NRIP3: variants seen among roughly 807,000 people sequenced by gnomAD.
NRIP3 encodes nuclear receptor-interacting protein 3.
A neutral mutation model predicts 29.0 loss-of-function variants in NRIP3; 31 were observed. The ratio of observed to expected loss-of-function variants is 1.07; its 90% CI spans 0.80 to 1.44. The LOEUF is 1.44. NRIP3 is among the 40% of genes most tolerant of loss of function. The pLI, the probability that NRIP3 is intolerant of heterozygous loss-of-function variation, is 0.00. For missense variants in NRIP3, 314 were observed against 297.9 expected (o/e 1.05, Z -0.40); for synonymous variants, 131 against 118.3 (o/e 1.11, Z -0.70).
Position 8,983,315 on chromosome 11 carries a change from T to TA in NRIP3, c.*229dup. On this transcript the variant is annotated 3_prime_UTR_variant, in exon 7 of 7. Transcript: ENST00000309166. ...GACTGGCAGTGTCAAAAAAGGTCTA[T>TA]AAGTTAAGTGATCAAAGTAGTAAAA... is the stretch of plus-strand genomic sequence containing the variant. 1 of 582,124 alleles carries TA rather than the reference T, an allele frequency of 1.7e-6. No individual in the cohort carries two copies. Among genetic ancestry groups the TA allele is most frequent in the East Asian group, 2.9e-5 (1 of 34,122 alleles). The allele number at this position is 582,124 out of a possible 1,614,324, so 36.1% of individuals were successfully genotyped here.
In NRIP3 at chr11:8,994,794, T is replaced by C. The variant is rs1279650151; in HGVS notation, c.175-6512A>G. 3.9e-5 allele frequency among the ~76,000 whole-genome samples: 6 copies of C among 152,218 alleles called. No individual in the cohort carries two copies. In the South Asian group the frequency reaches 1.2e-3, roughly 32 times the overall value. On this transcript the variant is annotated intron_variant, in intron 1 of 6. Transcript: ENST00000309166. ...CCTTTGCCTATGTTCATTTCTTAAA[T>C]GTTAGTGTTCCTCATCGCTCTATCT...
chr11:8,990,612 C>G (rs914688756), intron 1 of NRIP3, among the ~76,000 whole-genome samples: 3 of 152,106 alleles, frequency 2.0e-5, no homozygotes, highest in African/African-American at 7.2e-5. Context: ...ATGGCAAAAC[C>G]CTGTCTCTAC....
At chr11:8,991,398 T>C (rs1216450842) in intron 1 of NRIP3, among the ~76,000 whole-genome samples, 1 of 152,256 alleles carries the variant, frequency 6.6e-6, no homozygotes, top group African/African-American at 2.4e-5. Flanking sequence ...ATAGAAAATT[T>C]ACAGCCAACA....
chr11:8,985,211 C>T (rs952883184), intron 4 of NRIP3, among the ~76,000 whole-genome samples: 3 of 146,754 alleles, frequency 2.0e-5, no homozygotes, highest in Admixed American at 6.8e-5. Flanking sequence ...GTTCTGTCGC[C>T]CAGGCTGGAG....
chr11:8,994,547 T>C (rs558133580), intron 1 of NRIP3, among the ~76,000 whole-genome samples: 17 of 152,280 alleles, frequency 1.1e-4, no homozygotes, highest in Non-Finnish European at 1.6e-4. Flanking sequence ...TATTTTCTTA[T>C]GTCTGCCCTA....
At position 9,003,799 on chromosome 11, in the gene NRIP3, A is replaced by T; in HGVS notation, c.137T>A (p.Leu46Gln). The T allele has an allele frequency of 6.6e-7, 1 of 1,506,476 alleles. No individual in the cohort carries two copies. Among genetic ancestry groups the T allele is most frequent in the East Asian group, 2.9e-5 (1 of 34,802 alleles). The allele number at this position is 1,506,476 out of a possible 1,614,324, so 93.3% of individuals were successfully genotyped here. Residue 46 changes from leucine to glutamine, a missense_variant, in exon 1 of 7, where the codon CTG becomes CAG. Transcript: ENST00000309166. Reference protein sequence around the residue: ...IHKDSADLLPLDGLKKLGSSK... With the variant: ...IHKDSADLLPQDGLKKLGSSK... ...CGAGCCCAGCTTCTTGAGGCCGTCC[A>T]GGGGCAGCAGGTCGGCGGAGTCCTT...
intron 1 of NRIP3, among the ~76,000 whole-genome samples, chr11:8,997,775 A>G (rs932531483): frequency 1.3e-5 from 2 of 152,220 alleles, no homozygotes; most frequent in African/African-American, 4.8e-5. Context: ...ACTATAGTGC[A>G]GGATACCATA....
intron 1 of NRIP3, among the ~76,000 whole-genome samples, chr11:8,998,833 G>A (rs564799819): frequency 2.6e-4 from 31 of 118,866 alleles, no homozygotes; most frequent in Admixed American, 1.2e-3. Flanking sequence ...TCGCTCTGTC[G>A]TCCAGGCTGG....
chr11:8,991,144 A>C (rs1055493111), intron 1 of NRIP3, among the ~76,000 whole-genome samples: 27 of 152,216 alleles, frequency 1.8e-4, no homozygotes, highest in African/African-American at 6.5e-4. Flanking sequence ...TACTAAAAAT[A>C]CAAAAAATTA....
At chr11:8,997,165 A>G (rs1358061891) in intron 1 of NRIP3, among the ~76,000 whole-genome samples, 2 of 152,096 alleles carry the variant, frequency 1.3e-5, no homozygotes, top group African/African-American at 4.8e-5. Context: ...GCACGAAGTC[A>G]GGAGATCAAG....
intron 1 of NRIP3, among the ~76,000 whole-genome samples, chr11:8,999,467 C>T (rs12786377): frequency 0.32 from 49,234 of 151,980 alleles, 8,142 homozygotes; most frequent in Middle Eastern, 0.45. Context: ...TAAAATAAGT[C>T]GTATGTATCA....
chr11:8,991,102 C>T (rs1191358350), intron 1 of NRIP3, among the ~76,000 whole-genome samples: 1 of 152,056 alleles, frequency 6.6e-6, no homozygotes, highest in Non-Finnish European at 1.5e-5. Context: ...GAGATGGAGA[C>T]CATTCTGGCT....
At position 9,000,838 on chromosome 11, in the gene NRIP3, G is replaced by T. The variant is rs565126946; in HGVS notation, c.174+2924C>A. Among the ~76,000 whole-genome samples the T allele has an allele frequency of 2.6e-5, 4 of 152,254 alleles. No homozygotes were observed. In the East Asian group the frequency reaches 7.7e-4, roughly 29 times the overall value. On this transcript the variant is annotated intron_variant, in intron 1 of 6. Coordinates refer to ENST00000309166, the MANE Select transcript of NRIP3 (RefSeq NM_020645.3). ...AATCCCAGCACTTTGGGAGGCTAAAGTGGGCAGATCGCTTGAGACCAGGAG... is the reference window on the plus strand; with the variant it reads ...AATCCCAGCACTTTGGGAGGCTAAATTGGGCAGATCGCTTGAGACCAGGAG...
chr11:8,991,226 G>C (rs551463183), intron 1 of NRIP3, among the ~76,000 whole-genome samples: 1 of 151,502 alleles, frequency 6.6e-6, no homozygotes, highest in East Asian at 2.0e-4. Flanking sequence ...GCATGAACCC[G>C]GGAGGCAGAG....
chr11:9,003,835 T>G lies in NRIP3; in HGVS notation c.101A>C (p.Gln34Pro), dbSNP rs757446383. The part of the protein sequence containing the change: ...RQQRRMKQAV[Q>P]FIHKDSADLL... Reference sequence around the variant, plus strand: ...GTCGGCGGAGTCCTTGTGGATGAACTGCACCGCCTGCTTCATCCGGCGCTG... The same window carrying G: ...GTCGGCGGAGTCCTTGTGGATGAACGGCACCGCCTGCTTCATCCGGCGCTG... The change falls in exon 1 of 7, where the codon CAG (glutamine) becomes CCG (proline). Residue 34 changes from glutamine to proline, a missense_variant. Coordinates refer to ENST00000309166, the MANE Select transcript of NRIP3 (RefSeq NM_020645.3). 2.6e-6 allele frequency: 4 copies of G among 1,519,818 alleles called. No homozygotes were observed. The African/African-American group carries it at 4.3e-5, about 16-fold the overall frequency. 94.1% of individuals were successfully genotyped at this position (1,519,818 alleles called of 1,614,324 possible).
chr11:9,003,698 G>T, intron 1 of NRIP3, 64 bp downstream of exon 1: 1 of 1,341,598 alleles, frequency 7.5e-7, no homozygotes, highest in Non-Finnish European at 9.7e-7. Context: ...GCAACGGCCG[G>T]GCCTCGGAAA....
intron 4 of NRIP3, 133 bp from the exon 5 acceptor site, chr11:8,984,257 T>A (rs924841559): frequency 8.0e-6 from 3 of 373,926 alleles, no homozygotes; most frequent in South Asian, 8.5e-5. Context: ...TGTTATTTTT[T>A]TTTTATTTTT....
At chr11:8,998,783 C>CTTT (rs1589964922) in intron 1 of NRIP3, among the ~76,000 whole-genome samples, 49 of 117,912 alleles carry the variant, frequency 4.2e-4, no homozygotes, top group South Asian at 3.2e-3. Flanking sequence ...TCAAACTCTT[C>CTTT]ATTTTTTTTT....
chr11:8,992,544 G>C (rs985849040), intron 1 of NRIP3, among the ~76,000 whole-genome samples: 3 of 152,106 alleles, frequency 2.0e-5, no homozygotes, highest in Non-Finnish European at 4.4e-5. Context: ...AAAATACAAA[G>C]GATTAGGAAT....
Sources: allele counts gnomAD v4.1 joint callset (sites outside exome capture counted in the v4.1 genomes callset), GRCh38; gene constraint gnomAD v4.1.1; transcripts MANE v1.5; gene names NCBI Gene and HGNC (gene_info 2026-07-23, HGNC 2026-07-21).